The following ZCCHC7 variants were observed in gnomAD, a reference collection of about 807,000 sequenced individuals.
ZCCHC7 encodes the protein zinc finger CCHC-type containing 7, also known as zinc finger CCHC domain-containing protein 7.
Under a neutral mutation model 52.0 loss-of-function variants are expected in ZCCHC7, and 35 were observed. That is an observed-to-expected ratio of 0.67 (90% confidence interval 0.51 to 0.89). ZCCHC7 has a LOEUF of 0.89. Ranked by LOEUF, ZCCHC7 falls within the 40% of genes least tolerant of loss-of-function variation. The pLI is 0.00. For missense variants in ZCCHC7, 574 were observed against 649.1 expected, an observed-to-expected ratio of 0.88 and a Z score of 1.26; for synonymous variants, 217 against 221.5, an observed-to-expected ratio of 0.98 and a Z score of 0.18.
intron 2 of ZCCHC7, chr9:37,160,151 C>T (rs1418960832): frequency 6.6e-6 from 1 of 152,160 alleles, no homozygotes; most frequent in African/African-American, 2.4e-5. Context: ...GGTCCGGGTG[C>T]AGTGGTGTTA....
At chr9:37,320,629 A>G (rs149638619) in intron 5 of ZCCHC7, among the ~76,000 whole-genome samples, 1 of 152,290 alleles carries the variant, frequency 6.6e-6, no homozygotes, top group Non-Finnish European at 1.5e-5. Flanking sequence ...TGTAGTTTTA[A>G]CTATACATGT....
chr9:37,213,662 T>C (rs1824356566), intron 2 of ZCCHC7, among the ~76,000 whole-genome samples: 1 of 152,180 alleles, frequency 6.6e-6, no homozygotes, highest in Non-Finnish European at 1.5e-5. Flanking sequence ...ATAGCCTGGA[T>C]ACATGAATTC....
intron 2 of ZCCHC7, among the ~76,000 whole-genome samples, chr9:37,135,136 A>G (rs1327707895): frequency 6.6e-6 from 1 of 152,196 alleles, no homozygotes; most frequent in Non-Finnish European, 1.5e-5. Flanking sequence ...AAAGATATTT[A>G]ATATTTCTTA....
At chr9:37,304,414 G>C in intron 4 of ZCCHC7, 101 bp downstream of exon 4, 3 of 1,406,724 alleles carry the variant, frequency 2.1e-6, no homozygotes, top group Non-Finnish European at 2.9e-6. Flanking sequence ...AGCACTTTGG[G>C]AAGCCGAGGC....
At chr9:37,290,530 G>A (rs767161273) in intron 2 of ZCCHC7, among the ~76,000 whole-genome samples, 4 of 152,004 alleles carry the variant, frequency 2.6e-5, no homozygotes, top group African/African-American at 4.8e-5. Flanking sequence ...GTGGCATGTC[G>A]CAGTAGTACC....
At chr9:37,285,992 A>G (rs1490218571) in intron 2 of ZCCHC7, among the ~76,000 whole-genome samples, 4 of 152,226 alleles carry the variant, frequency 2.6e-5, no homozygotes, top group Admixed American at 6.5e-5. Context: ...AACTTCAGAT[A>G]CCATCATTCA....
At chr9:37,246,241 GT>G (rs1408911834) in intron 2 of ZCCHC7, among the ~76,000 whole-genome samples, 2 of 152,102 alleles carry the variant, frequency 1.3e-5, no homozygotes, top group East Asian at 3.8e-4. Flanking sequence ...TTGATTTGAG[GT>G]GCTTGTGGAT....
chr9:37,195,944 ATAAT>A (rs145782195), intron 2 of ZCCHC7, among the ~76,000 whole-genome samples: 1,554 of 152,332 alleles, frequency 0.01, 15 homozygotes, highest in Non-Finnish European at 0.017. Flanking sequence ...ATTTTTTAAA[ATAAT>A]TCAACTACTG....
intron 2 of ZCCHC7, among the ~76,000 whole-genome samples, chr9:37,186,074 T>C (rs1822637635): frequency 6.6e-6 from 1 of 152,220 alleles, no homozygotes; most frequent in Non-Finnish European, 1.5e-5. Flanking sequence ...AAACCTGAAC[T>C]CTCACACTGG....
At chr9:37,280,135 C>T (rs561372157) in intron 2 of ZCCHC7, among the ~76,000 whole-genome samples, 14 of 150,426 alleles carry the variant, frequency 9.3e-5, no homozygotes, top group South Asian at 2.1e-4. Context: ...TGCGAGACTC[C>T]GTCTCAAAAA....
intron 2 of ZCCHC7, among the ~76,000 whole-genome samples, chr9:37,194,104 G>A (rs201649608): frequency 6.6e-6 from 1 of 152,260 alleles, no homozygotes; most frequent in East Asian, 1.9e-4. Context: ...TAGTTAGGGT[G>A]AAGTTTTCAT....
chr9:37,319,037 C>T (rs1193518203), intron 5 of ZCCHC7, among the ~76,000 whole-genome samples: 1 of 149,426 alleles, frequency 6.7e-6, no homozygotes, highest in Admixed American at 6.6e-5. Context: ...CTTTTTATTT[C>T]TATTGATCTT....
intron 2 of ZCCHC7, among the ~76,000 whole-genome samples, chr9:37,281,085 G>A (rs1356551804): frequency 6.6e-6 from 1 of 152,084 alleles, no homozygotes; most frequent in East Asian, 1.9e-4. Context: ...ATATCTACTA[G>A]AGCTAATATC....
At chr9:37,144,932 C>T (rs1843373238) in intron 2 of ZCCHC7, 1 of 151,940 alleles carries the variant, frequency 6.6e-6, no homozygotes, top group Non-Finnish European at 1.5e-5. Flanking sequence ...AGCAGGGCCA[C>T]GGGGTCAATG....
At chr9:37,194,620 A>G (rs1823191777) in intron 2 of ZCCHC7, among the ~76,000 whole-genome samples, 1 of 152,156 alleles carries the variant, frequency 6.6e-6, no homozygotes, top group Admixed American at 6.5e-5. Context: ...TTCATGGAGC[A>G]TTTATTCTTT....
chr9:37,199,504 T>C (rs1823484787), intron 2 of ZCCHC7, among the ~76,000 whole-genome samples: 1 of 151,430 alleles, frequency 6.6e-6, no homozygotes, highest in African/African-American at 2.4e-5. Context: ...GTTAATTTTT[T>C]GTAATTTTAC....
intron 2 of ZCCHC7, among the ~76,000 whole-genome samples, chr9:37,189,400 C>T (rs1171230152): frequency 2.0e-5 from 3 of 152,134 alleles, no homozygotes; most frequent in East Asian, 3.9e-4. Flanking sequence ...TCTTTTCCCC[C>T]GCTGAGACTG....
chr9:37,345,735 A>C (rs868499311), intron 6 of ZCCHC7, among the ~76,000 whole-genome samples: 34 of 148,788 alleles, frequency 2.3e-4, no homozygotes, highest in Admixed American at 8.0e-4. Context: ...AAAAAAAAAA[A>C]CTCTTGTTTA....
intron 2 of ZCCHC7, among the ~76,000 whole-genome samples, chr9:37,246,454 G>T (rs1461798997): frequency 6.6e-6 from 1 of 152,088 alleles, no homozygotes; most frequent in East Asian, 1.9e-4. Flanking sequence ...AATTCATTAT[G>T]TTTCAAATGT....
Sources: allele counts gnomAD v4.1 joint callset (sites outside exome capture counted in the v4.1 genomes callset), GRCh38; gene constraint gnomAD v4.1.1; transcripts MANE v1.5; gene names NCBI Gene and HGNC (gene_info 2026-07-23, HGNC 2026-07-21).